PAK5: variants seen among roughly 807,000 people sequenced by gnomAD.
PAK5 encodes p21 (RAC1) activated kinase 5.
A neutral mutation model predicts 65.9 loss-of-function variants in PAK5; 16 were observed. The ratio of observed to expected loss-of-function variants is 0.24; its 90% CI spans 0.16 to 0.37. The LOEUF (loss-of-function observed/expected upper bound fraction) is 0.37, where lower values mean the gene tolerates loss of function less well. Ranked by LOEUF, PAK5 falls within the 10% of genes least tolerant of loss-of-function variation. The pLI is 1.00. For synonymous variants in PAK5, 371 were observed against 354.9 expected, an observed-to-expected ratio of 1.05 and a Z score of -0.51; for missense variants, 785 against 903.9, an observed-to-expected ratio of 0.87 and a Z score of 1.69.
intron 1 of PAK5, among the ~76,000 whole-genome samples, chr20:9,802,773 A>C (rs1311722461): frequency 6.6e-6 from 1 of 151,598 alleles, no homozygotes; most frequent in African/African-American, 2.4e-5. Context: ...GAGTGGTTGA[A>C]GAAGAGACTG....
intron 1 of PAK5, among the ~76,000 whole-genome samples, chr20:9,795,616 G>A (rs1003322362): frequency 6.6e-6 from 1 of 152,096 alleles, no homozygotes; most frequent in African/African-American, 2.4e-5. Flanking sequence ...TGGAGTGAAT[G>A]AACATACGTA....
At chr20:9,669,814 C>T (rs1297521098) in intron 2 of PAK5, among the ~76,000 whole-genome samples, 1 of 151,914 alleles carries the variant, frequency 6.6e-6, no homozygotes, top group East Asian at 1.9e-4. Flanking sequence ...GGTACATGTG[C>T]ACAACGTGCA....
chr20:9,628,822 G>A (rs1206033081), intron 3 of PAK5, among the ~76,000 whole-genome samples: 1 of 152,154 alleles, frequency 6.6e-6, no homozygotes, highest in Non-Finnish European at 1.5e-5. Context: ...GGCTGTTGGG[G>A]AATGCATGGC....
At chr20:9,790,908 T>C (rs1232607119) in intron 1 of PAK5, among the ~76,000 whole-genome samples, 1 of 152,108 alleles carries the variant, frequency 6.6e-6, no homozygotes, top group Non-Finnish European at 1.5e-5. Flanking sequence ...TGTAATGAGA[T>C]CTGGTCCTCA....
chr20:9,567,607 C>T (rs1444454665), intron 4 of PAK5, among the ~76,000 whole-genome samples: 1 of 152,186 alleles, frequency 6.6e-6, no homozygotes, highest in African/African-American at 2.4e-5. Flanking sequence ...TGTTCCCATG[C>T]AGCACATTCA....
At chr20:9,572,970 C>T (rs939877435) in intron 4 of PAK5, among the ~76,000 whole-genome samples, 16 of 152,120 alleles carry the variant, frequency 1.1e-4, no homozygotes, top group African/African-American at 3.9e-4. Context: ...TGCTAAACTG[C>T]TTAGCTGCAG....
At chr20:9,701,649 A>G (rs1421127350) in intron 2 of PAK5, among the ~76,000 whole-genome samples, 1 of 152,104 alleles carries the variant, frequency 6.6e-6, no homozygotes, top group Non-Finnish European at 1.5e-5. Flanking sequence ...AGTCTAGGTA[A>G]TTTAAAGGAT....
chr20:9,746,961 G>A (rs1227228299), intron 1 of PAK5, among the ~76,000 whole-genome samples: 1 of 152,024 alleles, frequency 6.6e-6, no homozygotes, highest in African/African-American at 2.4e-5. Flanking sequence ...GCAGAAAAGA[G>A]AGAAGAATCA....
chr20:9,586,520 G>A (rs1603232386), intron 3 of PAK5, among the ~76,000 whole-genome samples: 1 of 152,186 alleles, frequency 6.6e-6, no homozygotes. Context: ...GTATCTATGT[G>A]TCTAGGCCTA....
chr20:9,634,059 T>G (rs6056772), intron 3 of PAK5, among the ~76,000 whole-genome samples: 54,235 of 151,982 alleles, frequency 0.36, 10,314 homozygotes, highest in African/African-American at 0.46. Context: ...GGCAGGAGAT[T>G]ACAGTTACTC....
intron 2 of PAK5, among the ~76,000 whole-genome samples, chr20:9,700,244 T>C (rs2123459979): frequency 6.6e-6 from 1 of 152,146 alleles, no homozygotes; most frequent in African/African-American, 2.4e-5. Context: ...AGAACTAGTC[T>C]CTACAAAAAT....
At chr20:9,809,250 C>T (rs546064949) in intron 1 of PAK5, among the ~76,000 whole-genome samples, 1 of 151,850 alleles carries the variant, frequency 6.6e-6, no homozygotes, top group African/African-American at 2.4e-5. Context: ...TCAAATCAGA[C>T]TGTCTGGAAA....
chr20:9,542,489 C>A lies in PAK5; in HGVS notation c.2004+97G>T, dbSNP rs1603188187. ...AAAGTCCATGCTCATAAACCAGGAT[C>A]TTCCTGCTGGATGTGGTAAGCCAGT... On this transcript the variant is annotated intron_variant, in intron 9 of 9. Coordinates refer to ENST00000353224, the MANE Select transcript of PAK5 (RefSeq NM_177990.4). 3.3e-6 allele frequency: 4 copies of A among 1,198,672 alleles called. No individual in the cohort carries two copies. In the East Asian group the frequency reaches 9.3e-5, roughly 28 times the overall value. 74.3% of individuals were successfully genotyped at this position (1,198,672 alleles called of 1,614,324 possible). A position where few individuals can be genotyped will look rare whatever the true frequency, so the allele number is the denominator to read the frequency against.
Position 9,578,869 on chromosome 20 carries a change from T to TA in PAK5, c.990+1275dup, listed in dbSNP as rs1555898775. On this transcript the variant is annotated intron_variant, in intron 4 of 9. Coordinates refer to ENST00000353224, the MANE Select transcript of PAK5 (RefSeq NM_177990.4). Reference sequence around the variant, plus strand: ...GTTCAAGTACATTAATACCACGAGATAAAAAAAAAACACTGTCACTATGTG... The same window carrying TA: ...GTTCAAGTACATTAATACCACGAGATAAAAAAAAAAACACTGTCACTATGTG... Among the ~76,000 whole-genome samples, 974 of 144,954 alleles carry TA rather than the reference T, an allele frequency of 6.7e-3. 13 individuals are homozygous for TA. Among genetic ancestry groups the TA allele is most frequent in the African/African-American group, 0.022 (897 of 40,154 alleles).
chr20:9,686,810 GC>G (rs1377401535), intron 2 of PAK5, among the ~76,000 whole-genome samples: 6 of 152,224 alleles, frequency 3.9e-5, no homozygotes, highest in Middle Eastern at 3.4e-3. Context: ...GTTTAAAGTT[GC>G]CCCTCATGCA....
intron 2 of PAK5, among the ~76,000 whole-genome samples, chr20:9,685,720 A>G (rs540990658): frequency 3.9e-5 from 6 of 152,212 alleles, no homozygotes; most frequent in Admixed American, 6.5e-5. Flanking sequence ...TATCTGTATA[A>G]TTGGGATGTT....
intron 1 of PAK5, among the ~76,000 whole-genome samples, chr20:9,822,173 C>T (rs1052217124): frequency 4.0e-5 from 6 of 151,670 alleles, no homozygotes; most frequent in African/African-American, 1.5e-4. Context: ...TCTGTAGTCA[C>T]AGCTTCTTGG....
At chr20:9,784,067 C>T (rs372350032) in intron 1 of PAK5, among the ~76,000 whole-genome samples, 8 of 152,184 alleles carry the variant, frequency 5.3e-5, no homozygotes, top group African/African-American at 1.9e-4. Context: ...TAGCAGATGC[C>T]AGTGTCCTCT....
chr20:9,565,944 C>A lies in PAK5; in HGVS notation c.1431G>T (p.Val477=). 6.2e-7 allele frequency: 1 copy of A among 1,613,756 alleles called. No homozygotes were observed. The highest frequency in any genetic ancestry group is 1.1e-5 in the South Asian group (1 of 91,038). ...TEKHTGKQVA[V]KKMDLRKQQR... ...GTTGCTTCCGGAGGTCCATTTTCTT[C>A]ACTGCAACTTGTTTCCCTGTGTGTT... The change falls in exon 5 of 10, where the codon GTG becomes GTT. Residue 477 remains valine (V), a synonymous_variant. Coordinates refer to ENST00000353224, the MANE Select transcript of PAK5 (RefSeq NM_177990.4).
Sources: gnomAD v4.1 joint callset for allele counts (sites outside exome capture counted in the v4.1 genomes callset) on GRCh38, gnomAD v4.1.1 for gene constraint, MANE v1.5 for transcripts, NCBI Gene and HGNC (gene_info 2026-07-23, HGNC 2026-07-21) for gene names.